ABHD10: variants seen among roughly 807,000 people sequenced by gnomAD.
ABHD10 encodes abhydrolase domain containing 10, depalmitoylase, also known as palmitoyl-protein thioesterase ABHD10, mitochondrial.
A neutral mutation model predicts 33.1 loss-of-function variants in ABHD10; 22 were observed. That is an observed-to-expected ratio of 0.66 (90% CI 0.47 to 0.95). The LOEUF is 0.95. ABHD10 is among the 40% of genes least tolerant of loss of function. ABHD10 has a pLI of 0.00. For missense variants in ABHD10, 352 were observed against 379.9 expected (o/e 0.93, Z 0.61); for synonymous variants, 146 against 133.9 (o/e 1.09, Z -0.62).
rs2072759924 is a variant in ABHD10 at position 111,992,871 on chromosome 3, TAA to T, written c.*1153_*1154del. The T allele has an allele frequency of 6.6e-6, 1 of 152,108 alleles. No individual in the cohort carries two copies. Among genetic ancestry groups the T allele is most frequent in the Non-Finnish European group, 1.5e-5 (1 of 68,010 alleles). 9.4% of individuals were successfully genotyped at this position (152,108 alleles called of 1,614,324 possible). ...GGGCATTGAAGAAAAAATGTTGAGA[TAA>T]AATTGCTGTGCAGAAAAAAGTGTTA... On this transcript the variant is annotated 3_prime_UTR_variant, in exon 5 of 5. Coordinates refer to ENST00000273359, the MANE Select transcript of ABHD10 (RefSeq NM_018394.4).
At chr3:111,983,357 TC>T (rs1440303556) in intron 2 of ABHD10, among the ~76,000 whole-genome samples, 1 of 152,110 alleles carries the variant, frequency 6.6e-6, no homozygotes, top group African/African-American at 2.4e-5. Context: ...AATCGAGAAA[TC>T]ACCATTTTAC....
chr3:111,979,269 T>G, intron 1 of ABHD10, 66 bp downstream of exon 1: 2 of 1,513,806 alleles, frequency 1.3e-6, no homozygotes, highest in Non-Finnish European at 1.8e-6. Flanking sequence ...TCAGTTACCG[T>G]GCCTGTGCAG....
chr3:111,989,139 G>A (rs1178497463), intron 4 of ABHD10, among the ~76,000 whole-genome samples: 1 of 152,168 alleles, frequency 6.6e-6, no homozygotes, highest in African/African-American at 2.4e-5. Flanking sequence ...AATGTCAACG[G>A]AGCAGATGTG....
In ABHD10 at chr3:111,991,835, A is replaced by C. The variant is rs3749308; in HGVS notation, c.*114A>C. ...TCCCTTTCCTCTATTTTGTAAATAT[A>C]AGATGAGTATTATTTAATGATGTAT... On this transcript the variant is annotated 3_prime_UTR_variant, in exon 5 of 5. Coordinates refer to ENST00000273359, the MANE Select transcript of ABHD10 (RefSeq NM_018394.4). The C allele has an allele frequency of 0.2, 156,730 of 774,368 alleles. 16,493 individuals are homozygous for C. The highest frequency in any genetic ancestry group is 0.29 in the Middle Eastern group (942 of 3,262). 48.0% of individuals were successfully genotyped at this position (774,368 alleles called of 1,614,324 possible).
At chr3:111,986,239 A>G in intron 2 of ABHD10, 25 bp from the exon 3 acceptor site, 1 of 1,310,568 alleles carries the variant, frequency 7.6e-7, no homozygotes, top group South Asian at 1.2e-5. Flanking sequence ...ATATTTAGAT[A>G]TAGATTTTTT....
chr3:111,988,562 G>A (rs1235198137), intron 4 of ABHD10, among the ~76,000 whole-genome samples: 4 of 151,998 alleles, frequency 2.6e-5, no homozygotes, highest in African/African-American at 9.7e-5. Flanking sequence ...ATTGGTAAAT[G>A]ACAAAACCTG....
chr3:111,980,453 G>C (rs1022491607), intron 1 of ABHD10, among the ~76,000 whole-genome samples: 1 of 152,098 alleles, frequency 6.6e-6, no homozygotes, highest in African/African-American at 2.4e-5. Context: ...AGACTGAGAA[G>C]TTTTCAAAGT....
chr3:111,985,637 A>C (rs2072647655), intron 2 of ABHD10, among the ~76,000 whole-genome samples: 2 of 151,660 alleles, frequency 1.3e-5, no homozygotes, highest in South Asian at 4.2e-4. Context: ...AAAGCAGCAC[A>C]GTTTTAATAA....
intron 1 of ABHD10, among the ~76,000 whole-genome samples, chr3:111,980,112 A>G (rs2072563088): frequency 6.6e-6 from 1 of 152,238 alleles, no homozygotes; most frequent in South Asian, 2.1e-4. Context: ...AAGATGATTT[A>G]TGAATATAAT....
At position 111,979,184 on chromosome 3, in the gene ABHD10, G is replaced by A; in HGVS notation, c.123G>A (p.Arg41=). The A allele has an allele frequency of 6.2e-7, 1 of 1,606,254 alleles. No homozygotes were observed. Among genetic ancestry groups the A allele is most frequent in the Non-Finnish European group, 8.5e-7 (1 of 1,174,882 alleles). Residue 41 remains arginine, a synonymous_variant, in exon 1 of 5, where the codon CGG becomes CGA. Transcript: ENST00000273359. ...LSVLLARIPQ[R]APRWLPACRQ... is the part of the protein sequence containing the mutation. Reference sequence around the variant, plus strand: ...TGCTGCTTGCACGGATACCTCAGCGGGCGCCACGGTGGCTCCCAGGTCAGT... The same window carrying A: ...TGCTGCTTGCACGGATACCTCAGCGAGCGCCACGGTGGCTCCCAGGTCAGT...
intron 1 of ABHD10, among the ~76,000 whole-genome samples, chr3:111,981,261 A>G (rs954519442): frequency 1.4e-5 from 2 of 146,136 alleles, no homozygotes; most frequent in African/African-American, 5.0e-5. Context: ...GCCGTAAGCT[A>G]GGATTGCACC....
Position 111,986,337 on chromosome 3 carries a change from G to C in ABHD10, c.400G>C (p.Val134Leu). The C allele has an allele frequency of 6.2e-7, 1 of 1,613,908 alleles. No individual in the cohort carries two copies. The highest frequency in any genetic ancestry group is 1.1e-5 in the South Asian group (1 of 91,072). The change falls in exon 3 of 5, where the codon GTT becomes CTT. Residue 134 changes from valine to leucine, a missense_variant. Coordinates refer to ENST00000273359, the MANE Select transcript of ABHD10 (RefSeq NM_018394.4). ...CACACTGGGGAAATGGAGAAAAGAT[G>C]TTCTTTCTATAATTGATGACTTAGC... ...ESTLGKWRKDVLSIIDDLADG... is the reference protein window; with the variant it reads ...ESTLGKWRKDLLSIIDDLADG...
In ABHD10 at chr3:111,979,190, A is replaced by G. The variant is rs778344206; in HGVS notation, c.129A>G (p.Pro43=). 2.4e-5 allele frequency: 39 copies of G among 1,604,978 alleles called. No individual in the cohort carries two copies. Among genetic ancestry groups the G allele is most frequent in the East Asian group, 1.1e-4 (5 of 44,600 alleles). ...VLLARIPQRA[P]RWLPACRQKT... ...TTGCACGGATACCTCAGCGGGCGCCACGGTGGCTCCCAGGTCAGTGTCCGA... is the reference window on the plus strand; with the variant it reads ...TTGCACGGATACCTCAGCGGGCGCCGCGGTGGCTCCCAGGTCAGTGTCCGA... The change falls in exon 1 of 5, where the codon CCA becomes CCG. Residue 43 remains proline, a synonymous_variant. Transcript: ENST00000273359.
intron 4 of ABHD10, among the ~76,000 whole-genome samples, chr3:111,987,466 A>G (rs1171923896): frequency 6.6e-6 from 1 of 152,154 alleles, no homozygotes; most frequent in Non-Finnish European, 1.5e-5. Context: ...TAATGAACTG[A>G]AACTGCAGTC....
intron 2 of ABHD10, among the ~76,000 whole-genome samples, chr3:111,983,453 T>A (rs2072611819): frequency 1.3e-5 from 2 of 152,166 alleles, no homozygotes; most frequent in South Asian, 4.1e-4. Flanking sequence ...TTTTCTGCAT[T>A]TTTGGATCCT....
intron 4 of ABHD10, chr3:111,990,809 T>G: frequency 6.1e-6 from 6 of 990,816 alleles, no homozygotes; most frequent in Non-Finnish European, 8.3e-6. Flanking sequence ...TAGTTCTGTG[T>G]TTGATTCTTT....
rs747892079 is a variant in ABHD10, at chr3:111,986,250, TC to T, written c.327-10del. 1.3e-5 allele frequency: 20 copies of T among 1,498,844 alleles called. No individual in the cohort carries two copies. The African/African-American group carries it at 2.8e-4, about 21-fold the overall frequency. The allele number at this position is 1,498,844 out of a possible 1,614,324, so 92.8% of individuals were successfully genotyped here. On this transcript the variant is annotated splice_polypyrimidine_tract_variant and intron_variant, in intron 2 of 4. Coordinates refer to ENST00000273359, the MANE Select transcript of ABHD10 (RefSeq NM_018394.4). Reference sequence around the variant, plus strand: ...ATAGATATTTAGATATAGATTTTTTTCCCCTTTTTCCAGGTTTGATTACTCA... The same window carrying T: ...ATAGATATTTAGATATAGATTTTTTTCCCTTTTTCCAGGTTTGATTACTCA...
chr3:111,992,360 T>C lies in ABHD10; in HGVS notation c.*639T>C, dbSNP rs1465275826. On this transcript the variant is annotated 3_prime_UTR_variant, in exon 5 of 5. Coordinates refer to ENST00000273359, the MANE Select transcript of ABHD10 (RefSeq NM_018394.4). ...TCTAAAATTTGGCTTATGTATAATA[T>C]ATTTAAATGGGGAATTTCATCTAAA... 1 of 151,376 alleles carries C rather than the reference T, an allele frequency of 6.6e-6. No individual in the cohort carries two copies. The highest frequency in any genetic ancestry group is 2.4e-5 in the African/African-American group (1 of 41,336). The allele number at this position is 151,376 out of a possible 1,614,324, so 9.4% of individuals were successfully genotyped here.
At chr3:111,986,630 T>A (rs1414112095) in intron 3 of ABHD10, among the ~76,000 whole-genome samples, 2 of 152,122 alleles carry the variant, frequency 1.3e-5, no homozygotes, top group Non-Finnish European at 2.9e-5. Flanking sequence ...AGAGATGGGG[T>A]TTCACCGTGT....
Sources: gnomAD v4.1 joint callset for allele counts (sites outside exome capture counted in the v4.1 genomes callset) on GRCh38, gnomAD v4.1.1 for gene constraint, MANE v1.5 for transcripts, NCBI Gene and HGNC (gene_info 2026-07-23, HGNC 2026-07-21) for gene names.